Variants in PRKAG2 observed in about 807,000 individuals in gnomAD.
PRKAG2 encodes protein kinase AMP-activated non-catalytic subunit gamma 2, also known as 5'-AMP-activated protein kinase subunit gamma-2.
In PRKAG2, 26 loss-of-function variants were observed where a neutral mutation model predicts 69.6. That is an observed-to-expected ratio of 0.37 (90% CI 0.27 to 0.52). PRKAG2 has a LOEUF of 0.52. PRKAG2 is among the 20% of genes least tolerant of loss of function. The pLI, the probability that PRKAG2 is intolerant of heterozygous loss-of-function variation, is 0.90. For synonymous variants in PRKAG2, 293 were observed against 285.0 expected (o/e 1.03, Z -0.28); for missense variants, 557 against 740.0 (o/e 0.75, Z 2.87).
intron 1 of PRKAG2, among the ~76,000 whole-genome samples, chr7:151,804,811 A>G (rs944035525): frequency 6.6e-6 from 1 of 152,180 alleles, no homozygotes; most frequent in Non-Finnish European, 1.5e-5. Flanking sequence ...CGTAGGACAT[A>G]GGTCATAAAA....
Position 151,876,805 on chromosome 7 carries a change from C to G in PRKAG2, c.-185G>C. 1 of 663,008 alleles carries G rather than the reference C, an allele frequency of 1.5e-6. No homozygotes were observed. The highest frequency in any genetic ancestry group is 2.4e-5 in the Admixed American group (1 of 41,546). The allele number at this position is 663,008 out of a possible 1,614,324, so 41.1% of individuals were successfully genotyped here. On this transcript the variant is annotated 5_prime_UTR_variant, in exon 1 of 16. Coordinates refer to ENST00000287878, the MANE Select transcript of PRKAG2 (RefSeq NM_016203.4). Reference sequence around the variant, plus strand: ...CGCGGCCGCCGCCGCCGCCGAAGCGCCGAATTCAAGCGTCCTTTCCTACGG... The same window carrying G: ...CGCGGCCGCCGCCGCCGCCGAAGCGGCGAATTCAAGCGTCCTTTCCTACGG...
At chr7:151,575,393 G>T (rs1013268036) in intron 7 of PRKAG2, among the ~76,000 whole-genome samples, 1 of 152,146 alleles carries the variant, frequency 6.6e-6, no homozygotes, top group African/African-American at 2.4e-5. Context: ...TGCTTTTGAC[G>T]TGCTAGACAC....
At chr7:151,712,862 C>T (rs1162499343) in intron 3 of PRKAG2, among the ~76,000 whole-genome samples, 1 of 152,236 alleles carries the variant, frequency 6.6e-6, no homozygotes, top group Non-Finnish European at 1.5e-5. Context: ...GGGGAAAATG[C>T]TCTGGCCATG....
At chr7:151,639,349 G>A (rs774975369) in intron 4 of PRKAG2, among the ~76,000 whole-genome samples, 6 of 152,246 alleles carry the variant, frequency 3.9e-5, no homozygotes, top group South Asian at 4.1e-4. Flanking sequence ...ATTTCCTTCC[G>A]TGTAGCCAGA....
At chr7:151,678,222 A>G (rs1170741802) in intron 3 of PRKAG2, among the ~76,000 whole-genome samples, 1 of 152,246 alleles carries the variant, frequency 6.6e-6, no homozygotes, top group South Asian at 2.1e-4. Flanking sequence ...CGTTCAAACC[A>G]AACATAAAAG....
chr7:151,556,661 C>G lies in PRKAG2; in HGVS notation c.*540G>C, dbSNP rs1056260397. ...ACGGTAGCCCAGAACAAAACACTTA[C>G]GTGTAAAAGTGTCATTACAATTTTA... On this transcript the variant is annotated 3_prime_UTR_variant, in exon 16 of 16. Transcript: ENST00000287878. The G allele has an allele frequency of 6.4e-6, 1 of 155,040 alleles. No homozygotes were observed. Among genetic ancestry groups the G allele is most frequent in the African/African-American group, 2.4e-5 (1 of 41,460 alleles). The allele number at this position is 155,040 out of a possible 1,614,324, so 9.6% of individuals were successfully genotyped here.
chr7:151,577,180 T>C (rs1489610171), intron 6 of PRKAG2, among the ~76,000 whole-genome samples: 2 of 152,022 alleles, frequency 1.3e-5, no homozygotes, highest in African/African-American at 4.8e-5. Flanking sequence ...AAAACAAGCA[T>C]ACTTTCTCAG....
chr7:151,838,112 A>G (rs1455764637), intron 1 of PRKAG2, among the ~76,000 whole-genome samples: 7 of 152,132 alleles, frequency 4.6e-5, no homozygotes, highest in Admixed American at 3.3e-4. Flanking sequence ...CTGGGCCCAC[A>G]TTTAATCTCT....
chr7:151,562,188 T>G (rs149858008), intron 14 of PRKAG2, among the ~76,000 whole-genome samples: 4,192 of 132,404 alleles, frequency 0.032, 151 homozygotes, highest in East Asian at 0.17. Flanking sequence ...GAGGTTGTAG[T>G]GAGCTGAGAT....
chr7:151,715,952 T>A (rs1346053095), intron 3 of PRKAG2, among the ~76,000 whole-genome samples: 3 of 152,162 alleles, frequency 2.0e-5, no homozygotes, highest in African/African-American at 7.2e-5. Context: ...GGCACTTTTA[T>A]ATATTTATAG....
chr7:151,851,323 C>A (rs568753213), intron 1 of PRKAG2, among the ~76,000 whole-genome samples: 1 of 149,298 alleles, frequency 6.7e-6, no homozygotes, highest in Non-Finnish European at 1.5e-5. Flanking sequence ...TTGAGACTGG[C>A]GAGTTTGGGG....
chr7:151,677,592 T>C (rs1198524675), intron 3 of PRKAG2, among the ~76,000 whole-genome samples: 2 of 152,218 alleles, frequency 1.3e-5, no homozygotes, highest in African/African-American at 4.8e-5. Flanking sequence ...CCCTGTTAAA[T>C]TACATGTAGC....
intron 3 of PRKAG2, among the ~76,000 whole-genome samples, chr7:151,726,955 C>T (rs984153055): frequency 6.6e-6 from 1 of 152,168 alleles, no homozygotes; most frequent in Non-Finnish European, 1.5e-5. Flanking sequence ...GTGGCTCACA[C>T]CTGTAATCCC....
chr7:151,682,770 C>T lies in PRKAG2; in HGVS notation c.467-7133G>A, dbSNP rs1333022786. On this transcript the variant is annotated intron_variant, in intron 3 of 15. Coordinates refer to ENST00000287878, the MANE Select transcript of PRKAG2 (RefSeq NM_016203.4). ...CCCCAACACCACCATGCAATAAAGTCGAGAACCAGGAAAGCAGGGGGGAGC... is the reference window on the plus strand; with the variant it reads ...CCCCAACACCACCATGCAATAAAGTTGAGAACCAGGAAAGCAGGGGGGAGC... Among the ~76,000 whole-genome samples the T allele has an allele frequency of 1.4e-5, 2 of 145,902 alleles. 1 individual carries two copies. The highest frequency in any genetic ancestry group is 4.3e-4 in the South Asian group (2 of 4,696).
chr7:151,869,038 T>C (rs1047469395), intron 1 of PRKAG2, among the ~76,000 whole-genome samples: 3 of 152,072 alleles, frequency 2.0e-5, no homozygotes, highest in African/African-American at 2.4e-5. Flanking sequence ...ACAGTCCAAA[T>C]TGCAAACCCT....
chr7:151,605,332 TTTAAAATAAATTATA>T (rs569908882), intron 5 of PRKAG2, among the ~76,000 whole-genome samples: 171 of 152,170 alleles, frequency 1.1e-3, no homozygotes, highest in African/African-American at 4.0e-3. Context: ...AGGTTAAATA[TTTAAAATAAATTATA>T]ATAAACCCTC....
At chr7:151,631,802 G>A (rs1447380011) in intron 5 of PRKAG2, 1 of 490,144 alleles carries the variant, frequency 2.0e-6, no homozygotes, top group Non-Finnish European at 4.0e-6. Flanking sequence ...AGGACAAAAG[G>A]GCCGCCCGTC....
intron 3 of PRKAG2, among the ~76,000 whole-genome samples, chr7:151,708,864 C>A (rs1315258752): frequency 6.6e-6 from 1 of 152,198 alleles, no homozygotes; most frequent in Non-Finnish European, 1.5e-5. Flanking sequence ...TAAACCCCAG[C>A]ACAGGTTCAG....
intron 1 of PRKAG2, among the ~76,000 whole-genome samples, chr7:151,794,124 G>A (rs369707671): frequency 1.1e-4 from 16 of 151,962 alleles, no homozygotes; most frequent in Middle Eastern, 6.8e-3. Flanking sequence ...CCCCTTCCCC[G>A]CCCCCCAAGG....
Sources: allele counts gnomAD v4.1 joint callset (sites outside exome capture counted in the v4.1 genomes callset), GRCh38; gene constraint gnomAD v4.1.1; transcripts MANE v1.5; gene names NCBI Gene and HGNC (gene_info 2026-07-23, HGNC 2026-07-21).